The following CNTLN variants were observed in gnomAD, a reference collection of about 807,000 sequenced individuals.
The protein encoded by CNTLN is centlein, centrosomal protein.
In CNTLN, 212 loss-of-function variants were observed where a neutral mutation model predicts 180.0. The ratio of observed to expected loss-of-function variants is 1.18; its 90% confidence interval spans 1.05 to 1.32. The LOEUF (loss-of-function observed/expected upper bound fraction) is 1.32, where lower values mean the gene tolerates loss of function less well. Ranked by LOEUF, CNTLN falls within the 40% of genes most tolerant of loss-of-function variation. The pLI is 0.00. For synonymous variants in CNTLN, 722 were observed against 563.1 expected, an observed-to-expected ratio of 1.28 and a Z score of -3.99; for missense variants, 2,095 against 1,610.9, an observed-to-expected ratio of 1.30 and a Z score of -5.14.
At chr9:17,178,682 G>A (rs553311401) in intron 2 of CNTLN, among the ~76,000 whole-genome samples, 4 of 151,478 alleles carry the variant, frequency 2.6e-5, no homozygotes, top group Non-Finnish European at 4.4e-5. Flanking sequence ...CTCCAAGTGC[G>A]GGGACCACCG....
chr9:17,356,967 G>C lies in CNTLN; in HGVS notation c.1887-9650G>C, dbSNP rs528034092. On this transcript the variant is annotated intron_variant, in intron 12 of 25. Coordinates refer to ENST00000380647, the MANE Select transcript of CNTLN (RefSeq NM_017738.4). Reference sequence around the variant, plus strand: ...TGTACAATTAGCCTACACTGTAGGTGAGAATGTATTATGAGTGTGTGTGTG... The same window carrying C: ...TGTACAATTAGCCTACACTGTAGGTCAGAATGTATTATGAGTGTGTGTGTG... 7.2e-5 allele frequency among the ~76,000 whole-genome samples: 11 copies of C among 152,146 alleles called. No homozygotes were observed. The South Asian group carries it at 2.3e-3, about 32-fold the overall frequency.
intron 2 of CNTLN, among the ~76,000 whole-genome samples, chr9:17,169,697 G>A (rs975010730): frequency 1.3e-5 from 2 of 151,904 alleles, no homozygotes; most frequent in African/African-American, 2.4e-5. Context: ...TTTGTTGAAA[G>A]CTAGTTGACC....
At chr9:17,260,338 A>C in intron 5 of CNTLN, among the ~76,000 whole-genome samples, 1 of 150,950 alleles carries the variant, frequency 6.6e-6, no homozygotes, top group East Asian at 1.9e-4. Context: ...GTGGTCTGAG[A>C]GATAGTTTTT....
intron 2 of CNTLN, among the ~76,000 whole-genome samples, chr9:17,164,463 T>G (rs1023669828): frequency 1.5e-5 from 2 of 133,688 alleles, no homozygotes; most frequent in African/African-American, 6.0e-5. Context: ...TTATGTTTTT[T>G]TTTTTTTTTT....
chr9:17,298,943 T>G, intron 7 of CNTLN: 1 of 984,570 alleles, frequency 1.0e-6, no homozygotes, highest in Non-Finnish European at 1.2e-6. Context: ...ATCTACTAAT[T>G]AAAAAAAATA....
At chr9:17,185,414 T>C (rs186790705) in intron 2 of CNTLN, among the ~76,000 whole-genome samples, 2 of 152,384 alleles carry the variant, frequency 1.3e-5, no homozygotes, top group Admixed American at 1.3e-4. Context: ...CTAACTAGCA[T>C]GTTGGCACAG....
At chr9:17,247,729 C>T (rs1348672259) in intron 5 of CNTLN, among the ~76,000 whole-genome samples, 3 of 150,012 alleles carry the variant, frequency 2.0e-5, no homozygotes, top group African/African-American at 7.4e-5. Context: ...TTCCTCTCAC[C>T]AGGTGTTTTT....
the CNTLN span, among the ~76,000 whole-genome samples, chr9:17,523,553 A>G: frequency 2.0e-5 from 3 of 152,136 alleles, no homozygotes; most frequent in African/African-American, 7.2e-5. Context: ...TATTTCTTCA[A>G]GGTGCCTTAC....
chr9:17,282,698 T>C (rs1828738734), intron 6 of CNTLN, among the ~76,000 whole-genome samples: 1 of 152,226 alleles, frequency 6.6e-6, no homozygotes, highest in Admixed American at 6.5e-5. Context: ...GATTTCCTTC[T>C]AGGATTTTTG....
intron 18 of CNTLN, among the ~76,000 whole-genome samples, chr9:17,418,244 C>T (rs1828417871): frequency 6.6e-6 from 1 of 151,912 alleles, no homozygotes; most frequent in Non-Finnish European, 1.5e-5. Flanking sequence ...TCGCTATGAA[C>T]TCAAATAAAT....
At chr9:17,328,474 C>A (rs1230735554) in intron 8 of CNTLN, among the ~76,000 whole-genome samples, 3 of 152,174 alleles carry the variant, frequency 2.0e-5, no homozygotes, top group African/African-American at 7.2e-5. Context: ...GCCCTGAATT[C>A]CCTCCTTACC....
At chr9:17,320,841 T>C (rs191113847) in intron 8 of CNTLN, among the ~76,000 whole-genome samples, 14 of 152,306 alleles carry the variant, frequency 9.2e-5, no homozygotes, top group Non-Finnish European at 8.8e-5. Context: ...GATTGTTTCC[T>C]CAGGATGAAT....
chr9:17,362,692 CTATCTT>C, intron 12 of CNTLN, among the ~76,000 whole-genome samples: 1 of 151,996 alleles, frequency 6.6e-6, no homozygotes, highest in South Asian at 2.1e-4. Context: ...TGTGTGATGA[CTATCTT>C]TATTTTTAAT....
Position 17,380,298 on chromosome 9 carries a change from C to T in CNTLN, c.1988-7864C>T, listed in dbSNP as rs111354531. Among the ~76,000 whole-genome samples the T allele has an allele frequency of 7.7e-3, 1,165 of 152,218 alleles. 8 individuals are homozygous for T. The highest frequency in any genetic ancestry group is 9.7e-3 in the African/African-American group (402 of 41,544). ...AGTATAAAGTCAGAATGAGTCAGAA[C>T]GAGGACAAGTATCTTCAAGTTTACT... is the stretch of plus-strand genomic sequence containing the variant. On this transcript the variant is annotated intron_variant, in intron 13 of 25. Coordinates refer to ENST00000380647, the MANE Select transcript of CNTLN (RefSeq NM_017738.4).
intron 13 of CNTLN, among the ~76,000 whole-genome samples, chr9:17,385,196 G>C (rs952318015): frequency 2.0e-5 from 3 of 152,204 alleles, no homozygotes; most frequent in Non-Finnish European, 4.4e-5. Flanking sequence ...TGTCCTTTCT[G>C]AGCATGCCAC....
At chr9:17,460,794 G>A (rs1324315408) in intron 19 of CNTLN, among the ~76,000 whole-genome samples, 1 of 151,722 alleles carries the variant, frequency 6.6e-6, no homozygotes, top group Non-Finnish European at 1.5e-5. Flanking sequence ...TTAACTCATT[G>A]CATTGAAGAT....
intron 12 of CNTLN, among the ~76,000 whole-genome samples, chr9:17,351,988 G>T (rs1400663406): frequency 1.3e-5 from 2 of 152,098 alleles, no homozygotes; most frequent in Non-Finnish European, 2.9e-5. Context: ...TTTCCTAGCT[G>T]ATACTGAGAA....
chr9:17,298,057 TTAA>T, intron 6 of CNTLN, 130 bp from the exon 7 acceptor site: 1 of 556,872 alleles, frequency 1.8e-6, no homozygotes, highest in Non-Finnish European at 2.9e-6. Flanking sequence ...ATTTCTTTTA[TTAA>T]TAAGTTTGCC....
At chr9:17,246,329 G>C (rs1245218080) in intron 5 of CNTLN, among the ~76,000 whole-genome samples, 1 of 152,130 alleles carries the variant, frequency 6.6e-6, no homozygotes, top group African/African-American at 2.4e-5. Flanking sequence ...GGTCTTGTGT[G>C]ATATCCGGGA....
Sources: allele counts gnomAD v4.1 joint callset (sites outside exome capture counted in the v4.1 genomes callset), GRCh38; gene constraint gnomAD v4.1.1; transcripts MANE v1.5; gene names NCBI Gene and HGNC (gene_info 2026-07-23, HGNC 2026-07-21).